NREP: variants seen among roughly 807,000 people sequenced by gnomAD.
NREP encodes the protein neuronal regeneration-related protein.
Under a neutral mutation model 8.6 loss-of-function variants are expected in NREP, and 5 were observed. The ratio of observed to expected loss-of-function variants is 0.58; its 90% CI spans 0.30 to 1.22. The LOEUF (loss-of-function observed/expected upper bound fraction) is 1.22. NREP is among the 50% of genes most tolerant of loss of function. NREP has a pLI of 0.07. For synonymous variants in NREP, 27 were observed against 28.0 expected, an observed-to-expected ratio of 0.96 and a Z score of 0.11; for missense variants, 86 against 82.5, an observed-to-expected ratio of 1.04 and a Z score of -0.17.
intron 2 of NREP, among the ~76,000 whole-genome samples, chr5:111,891,099 C>T (rs1381765888): frequency 6.6e-6 from 1 of 152,196 alleles, no homozygotes; most frequent in Non-Finnish European, 1.5e-5. Flanking sequence ...CATTTCTTTG[C>T]TCAGATATCT....
chr5:111,749,812 A>G (rs1750240763), intron 2 of NREP, among the ~76,000 whole-genome samples: 1 of 152,184 alleles, frequency 6.6e-6, no homozygotes, highest in Admixed American at 6.5e-5. Context: ...CAGTTTCTCA[A>G]GAAAAGGATA....
At chr5:111,910,030 C>T (rs1343764578) in intron 2 of NREP, among the ~76,000 whole-genome samples, 1 of 151,938 alleles carries the variant, frequency 6.6e-6, no homozygotes, top group Non-Finnish European at 1.5e-5. Flanking sequence ...TTAGCAGCCA[C>T]GATATAATTT....
intron 2 of NREP, among the ~76,000 whole-genome samples, chr5:111,972,813 C>T (rs1756858943): frequency 6.6e-6 from 1 of 152,340 alleles, no homozygotes; most frequent in Middle Eastern, 3.4e-3. Flanking sequence ...AGGTCAGATG[C>T]TCATTGTGTG....
At chr5:111,881,764 G>A (rs1303706694) in intron 2 of NREP, among the ~76,000 whole-genome samples, 1 of 152,172 alleles carries the variant, frequency 6.6e-6, no homozygotes, top group African/African-American at 2.4e-5. Flanking sequence ...ACCTGCAGCT[G>A]AGGGTCCTGT....
At chr5:111,873,497 C>G (rs962288181) in intron 2 of NREP, among the ~76,000 whole-genome samples, 1 of 152,168 alleles carries the variant, frequency 6.6e-6, no homozygotes, top group East Asian at 1.9e-4. Context: ...ACAGAAGTCT[C>G]CAATTTCTTG....
intron 2 of NREP, among the ~76,000 whole-genome samples, chr5:111,905,518 T>A (rs898076495): frequency 2.0e-5 from 3 of 152,152 alleles, no homozygotes; most frequent in Non-Finnish European, 4.4e-5. Flanking sequence ...GACTGAAGAA[T>A]AGACCGTGGC....
In NREP at chr5:111,963,867, T is replaced by A. The variant is rs141244251; in HGVS notation, c.135+11407A>T. ...ATTTTTTTCTAACTTCATATCCACT[T>A]CTTTTTCTACCACTCAACACTGCCT... On this transcript the variant is annotated intron_variant, in intron 2 of 3. Transcript: ENST00000395634. Among the ~76,000 whole-genome samples, 334 of 152,306 alleles carry A rather than the reference T, an allele frequency of 2.2e-3. 1 individual carries two copies. The highest frequency in any genetic ancestry group is 2.8e-3 in the Non-Finnish European group (191 of 68,018).
At chr5:111,951,162 ACT>A (rs1426036519) in intron 2 of NREP, among the ~76,000 whole-genome samples, 1 of 151,938 alleles carries the variant, frequency 6.6e-6, no homozygotes, top group African/African-American at 2.4e-5. Context: ...TTTACTTAAC[ACT>A]GTGTTTGCCA....
chr5:111,960,385 T>C (rs1756446637), intron 2 of NREP, among the ~76,000 whole-genome samples: 1 of 152,166 alleles, frequency 6.6e-6, no homozygotes, highest in Non-Finnish European at 1.5e-5. Context: ...TGGATTAATA[T>C]GAAGGGGGTT....
chr5:111,864,099 A>T (rs535727718), intron 2 of NREP, among the ~76,000 whole-genome samples: 1 of 152,304 alleles, frequency 6.6e-6, no homozygotes, highest in South Asian at 2.1e-4. Context: ...TTGAAGGAGA[A>T]GATCATGGCA....
At chr5:111,945,871 C>T (rs567970286) in intron 2 of NREP, among the ~76,000 whole-genome samples, 5 of 151,994 alleles carry the variant, frequency 3.3e-5, no homozygotes, top group Non-Finnish European at 5.9e-5. Flanking sequence ...ACAGCATCAG[C>T]AAGTTTCTTA....
chr5:111,900,623 T>A (rs1439975785), intron 2 of NREP, among the ~76,000 whole-genome samples: 1 of 152,028 alleles, frequency 6.6e-6, no homozygotes. Context: ...CCAGGGACTA[T>A]CATGAACAAC....
chr5:111,752,917 C>CATT (rs1750453513), intron 2 of NREP, among the ~76,000 whole-genome samples: 1 of 152,114 alleles, frequency 6.6e-6, no homozygotes, highest in East Asian at 1.9e-4. Context: ...GTTTTCTTCT[C>CATT]ATTAACTTAT....
At position 111,884,366 on chromosome 5, in the gene NREP, T is replaced by C. The variant is rs541460602; in HGVS notation, c.135+90908A>G. ...CAACCAAAAAGAGTCCAGGACCAGATGGATTCACAGCCGGATTCTACCAGA... is the reference window on the plus strand; with the variant it reads ...CAACCAAAAAGAGTCCAGGACCAGACGGATTCACAGCCGGATTCTACCAGA... On this transcript the variant is annotated intron_variant, in intron 2 of 3. Transcript: ENST00000395634. Among the ~76,000 whole-genome samples, 563 of 151,902 alleles carry C rather than the reference T, an allele frequency of 3.7e-3. 6 individuals carry two copies. Among genetic ancestry groups the C allele is most frequent in the Admixed American group, 0.028 (434 of 15,246 alleles).
At chr5:111,921,985 T>C (rs1490474386) in intron 2 of NREP, among the ~76,000 whole-genome samples, 1 of 152,184 alleles carries the variant, frequency 6.6e-6, no homozygotes, top group African/African-American at 2.4e-5. Flanking sequence ...ACCAGCCATG[T>C]GGAACTGTAA....
intron 2 of NREP, among the ~76,000 whole-genome samples, chr5:111,843,658 T>C (rs1288491324): frequency 1.3e-5 from 2 of 152,168 alleles, no homozygotes; most frequent in African/African-American, 4.8e-5. Context: ...TGTTTGAGCA[T>C]TTGAAGAGGT....
chr5:111,741,830 C>CAT (rs1554095247), intron 2 of NREP, among the ~76,000 whole-genome samples: 1 of 148,476 alleles, frequency 6.7e-6, no homozygotes, highest in African/African-American at 2.5e-5. Context: ...CACATACACA[C>CAT]ACACACACAC....
At chr5:111,806,078 A>G (rs1275251116) in intron 2 of NREP, among the ~76,000 whole-genome samples, 3 of 152,284 alleles carry the variant, frequency 2.0e-5, no homozygotes, top group African/African-American at 7.2e-5. Flanking sequence ...AAGGTATATA[A>G]GTGTTATTGT....
chr5:111,735,054 T>G (rs983764398), intron 3 of NREP: 3 of 335,348 alleles, frequency 8.9e-6, no homozygotes, highest in African/African-American at 6.4e-5. Context: ...GATAATCTTA[T>G]CAGACCTTCA....
Sources: allele counts gnomAD v4.1 joint callset (sites outside exome capture counted in the v4.1 genomes callset), GRCh38; gene constraint gnomAD v4.1.1; transcripts MANE v1.5; gene names NCBI Gene and HGNC (gene_info 2026-07-23, HGNC 2026-07-21).